The following SPRR2G variants were observed in gnomAD, a reference collection of about 807,000 sequenced individuals.
SPRR2G encodes small proline rich protein 2G.
Under a neutral mutation model 0.7 loss-of-function variants are expected in SPRR2G, and 1 was observed. The observed-to-expected ratio is 1.49, with a 90% CI of 0.53 to 7.06. The LOEUF (loss-of-function observed/expected upper bound fraction) is 7.06. Among genes scored for constraint, SPRR2G ranks in the 30% most tolerant of loss-of-function variants. The probability of loss-of-function intolerance (pLI) is 0.14; values close to 1 mark genes in which losing one functional copy is unlikely to be tolerated. For missense variants in SPRR2G, 96 were observed against 88.5 expected (o/e 1.09, Z -0.34); for synonymous variants, 38 against 33.9 (o/e 1.12, Z -0.42).
chr1:153,149,992 G>A lies in SPRR2G; in HGVS notation c.119C>T (p.Pro40Leu). ...PKCPEPYLPP[P>L]CPPEHCPPPP... ...AGGTGGGCAATGCTCAGGTGGACAA[G>A]GAGGAGGCAGGTAAGGCTCAGGGCA... Residue 40 changes from proline to leucine, a missense_variant, in exon 2 of 2, where the codon CCT (proline) becomes CTT (leucine). By Grantham distance (98) the Pro-to-Leu change is moderately conservative. Coordinates refer to ENST00000368748, the MANE Select transcript of SPRR2G (RefSeq NM_001014291.4). 6.2e-7 allele frequency: 1 copy of A among 1,614,028 alleles called. No individual in the cohort carries two copies. Among genetic ancestry groups the A allele is most frequent in the Non-Finnish European group, 8.5e-7 (1 of 1,179,996 alleles).
At chr1:153,165,762 T>C in the SPRR2G span, among the ~76,000 whole-genome samples, 1 of 152,168 alleles carries the variant, frequency 6.6e-6, no homozygotes, top group African/African-American at 2.4e-5. Flanking sequence ...GAAATCAGAG[T>C]TCCACAGGTG....
chr1:153,157,480 T>C, the SPRR2G span, among the ~76,000 whole-genome samples: 1 of 152,180 alleles, frequency 6.6e-6, no homozygotes, highest in Non-Finnish European at 1.5e-5. Context: ...TTTATTGCTT[T>C]TATTGAGGTA....
chr1:153,149,772 CAG>C lies in SPRR2G; in HGVS notation c.*115_*116del. 1 of 1,321,500 alleles carries C rather than the reference CAG, an allele frequency of 7.6e-7. No homozygotes were observed. The highest frequency in any genetic ancestry group is 1.2e-5 in the South Asian group (1 of 80,558). 81.9% of individuals were successfully genotyped at this position (1,321,500 alleles called of 1,614,324 possible). ...TTTCTCTGTCAACGCTCAAGCCAGACAGAGGTTAGGGAAGATGCAGCCTCCCA... is the reference window on the plus strand; with the variant it reads ...TTTCTCTGTCAACGCTCAAGCCAGACAGGTTAGGGAAGATGCAGCCTCCCA... On this transcript the variant is annotated 3_prime_UTR_variant, in exon 2 of 2. Coordinates refer to ENST00000368748, the MANE Select transcript of SPRR2G (RefSeq NM_001014291.4).
chr1:153,177,983 T>C, the SPRR2G span, among the ~76,000 whole-genome samples: 1 of 152,180 alleles, frequency 6.6e-6, no homozygotes, highest in Non-Finnish European at 1.5e-5. Flanking sequence ...CTATATCTCT[T>C]CATTTATTTG....
At chr1:153,179,797 T>C in the SPRR2G span, among the ~76,000 whole-genome samples, 1 of 152,164 alleles carries the variant, frequency 6.6e-6, no homozygotes, top group Admixed American at 6.6e-5. Flanking sequence ...TTTCCTATCT[T>C]GTGTCCTGAT....
the SPRR2G span, among the ~76,000 whole-genome samples, chr1:153,158,848 C>T: frequency 6.6e-5 from 10 of 152,218 alleles, no homozygotes; most frequent in African/African-American, 2.2e-4. Flanking sequence ...CATATGGAAG[C>T]TGCCAAGGTT....
chr1:153,192,058 C>T, the SPRR2G span, among the ~76,000 whole-genome samples: 1 of 152,272 alleles, frequency 6.6e-6, no homozygotes. Flanking sequence ...GAAGCCTCCT[C>T]GGTTGTCTCC....
the SPRR2G span, among the ~76,000 whole-genome samples, chr1:153,169,111 C>T: frequency 1.1e-4 from 17 of 152,238 alleles, no homozygotes; most frequent in Non-Finnish European, 2.2e-4. Flanking sequence ...TTGTTATACT[C>T]CCTCCCTCAC....
the SPRR2G span, among the ~76,000 whole-genome samples, chr1:153,181,177 C>T: frequency 6.6e-6 from 1 of 151,944 alleles, no homozygotes; most frequent in African/African-American, 2.4e-5. Flanking sequence ...CTTTTTATTA[C>T]CTGATTAAGG....
At chr1:153,156,329 G>A in the SPRR2G span, among the ~76,000 whole-genome samples, 1 of 152,106 alleles carries the variant, frequency 6.6e-6, no homozygotes, top group Non-Finnish European at 1.5e-5. Flanking sequence ...ACAGATAATA[G>A]AGCCTTGACT....
the SPRR2G span, among the ~76,000 whole-genome samples, chr1:153,173,735 C>A: frequency 6.6e-6 from 1 of 152,268 alleles, no homozygotes; most frequent in East Asian, 1.9e-4. Flanking sequence ...GGTGTCAGAG[C>A]AGAGGCTAGA....
chr1:153,159,483 T>G, the SPRR2G span, among the ~76,000 whole-genome samples: 1 of 152,242 alleles, frequency 6.6e-6, no homozygotes, highest in Admixed American at 6.5e-5. Flanking sequence ...CACATCTTCC[T>G]GTCTTCTTCT....
chr1:153,181,464 A>G, the SPRR2G span, among the ~76,000 whole-genome samples: 1 of 152,098 alleles, frequency 6.6e-6, no homozygotes, highest in Non-Finnish European at 1.5e-5. Flanking sequence ...ATTCTCATTA[A>G]CTATAGTCAG....
chr1:153,181,869 G>A, the SPRR2G span, among the ~76,000 whole-genome samples: 2 of 151,956 alleles, frequency 1.3e-5, no homozygotes, highest in African/African-American at 4.8e-5. Flanking sequence ...TTGTGATAGT[G>A]CTGCAGTAAA....
At chr1:153,197,802 A>G in the SPRR2G span, among the ~76,000 whole-genome samples, 2 of 152,216 alleles carry the variant, frequency 1.3e-5, no homozygotes, top group Non-Finnish European at 2.9e-5. Context: ...ATAAATATCA[A>G]TAAGGCAAAA....
rs762104807 is a variant in SPRR2G, at chr1:153,150,080, G to T, written c.31C>A (p.Pro11Thr). 1 of 1,612,766 alleles carries T rather than the reference G, an allele frequency of 6.2e-7. No homozygotes were observed. Among genetic ancestry groups the T allele is most frequent in the Admixed American group, 1.7e-5 (1 of 60,006 alleles). The part of the protein sequence containing the change: MSYQQQQCKQ[P>T]CQPPPVCPTP... ...GGGCACACAGGAGGTGGCTGGCAGG[G>T]CTGCTTGCACTGCTGCTGCTGGTAA... Residue 11 changes from proline to threonine, a missense_variant, in exon 2 of 2, where the codon CCC becomes ACC. By Grantham distance (38) the Pro-to-Thr change is conservative (BLOSUM62 -1). Coordinates refer to ENST00000368748, the MANE Select transcript of SPRR2G (RefSeq NM_001014291.4).
chr1:153,173,612 A>G, the SPRR2G span, among the ~76,000 whole-genome samples: 5 of 152,182 alleles, frequency 3.3e-5, no homozygotes, highest in Non-Finnish European at 5.9e-5. Flanking sequence ...TTATTAATGA[A>G]CTTACTTAGA....
chr1:153,157,678 G>GGTTTT, the SPRR2G span, among the ~76,000 whole-genome samples: 1 of 151,892 alleles, frequency 6.6e-6, no homozygotes, highest in Non-Finnish European at 1.5e-5. Context: ...GGTTTGGTTT[G>GGTTTT]GGTTGGGTTT....
At chr1:153,200,153 A>C in the SPRR2G span, among the ~76,000 whole-genome samples, 37 of 152,204 alleles carry the variant, frequency 2.4e-4, no homozygotes, top group African/African-American at 8.7e-4. Flanking sequence ...TTTATCAATA[A>C]CATTGATATC....
Sources: allele counts gnomAD v4.1 joint callset (sites outside exome capture counted in the v4.1 genomes callset), GRCh38; gene constraint gnomAD v4.1.1; transcripts MANE v1.5; gene names NCBI Gene and HGNC (gene_info 2026-07-23, HGNC 2026-07-21).